Variants in ZSWIM6 observed in about 807,000 individuals in gnomAD.
The protein encoded by ZSWIM6 is zinc finger SWIM domain-containing protein 6.
In ZSWIM6, 9 loss-of-function variants were observed where a neutral mutation model predicts 113.2. The ratio of observed to expected loss-of-function variants is 0.08; its 90% CI spans 0.05 to 0.14. The LOEUF is 0.14. ZSWIM6 is among the 10% of genes least tolerant of loss of function. ZSWIM6 has a pLI of 1.00. For missense variants in ZSWIM6, 1,162 were observed against 1,552.2 expected (o/e 0.75, Z 4.22); for synonymous variants, 611 against 606.5 (o/e 1.01, Z -0.11).
intron 1 of ZSWIM6, among the ~76,000 whole-genome samples, chr5:61,370,127 C>A (rs952444216): frequency 6.6e-6 from 1 of 152,156 alleles, no homozygotes; most frequent in African/African-American, 2.4e-5. Flanking sequence ...TGAACTACAT[C>A]GAACAAATTA....
At chr5:61,345,202 C>T (rs1012312466) in intron 1 of ZSWIM6, among the ~76,000 whole-genome samples, 2 of 152,188 alleles carry the variant, frequency 1.3e-5, no homozygotes, top group Non-Finnish European at 2.9e-5. Flanking sequence ...GAAACACATA[C>T]TGTTTTTCCT....
At chr5:61,364,068 T>A (rs1745102068) in intron 1 of ZSWIM6, among the ~76,000 whole-genome samples, 1 of 150,526 alleles carries the variant, frequency 6.6e-6, no homozygotes, top group South Asian at 2.1e-4. Context: ...CTTTCTTTTC[T>A]GGGTCTCACT....
chr5:61,444,408 ACGTGTGCG>A (rs1746905215), intron 1 of ZSWIM6, among the ~76,000 whole-genome samples: 1 of 151,852 alleles, frequency 6.6e-6, no homozygotes, highest in South Asian at 2.1e-4. Context: ...CTATAAACAT[ACGTGTGCG>A]TGTGTCTTTA....
chr5:61,437,425 A>G (rs572909542), intron 1 of ZSWIM6, among the ~76,000 whole-genome samples: 2 of 152,228 alleles, frequency 1.3e-5, no homozygotes, highest in African/African-American at 2.4e-5. Context: ...TAGACTATGT[A>G]AAAAAACAAA....
intron 1 of ZSWIM6, among the ~76,000 whole-genome samples, chr5:61,350,414 T>C (rs1184727328): frequency 6.6e-6 from 1 of 152,150 alleles, no homozygotes; most frequent in Non-Finnish European, 1.5e-5. Flanking sequence ...GACCTTTGGC[T>C]TATTTCTGGT....
intron 2 of ZSWIM6, among the ~76,000 whole-genome samples, chr5:61,483,505 A>G (rs1747931786): frequency 6.6e-6 from 1 of 152,134 alleles, no homozygotes; most frequent in African/African-American, 2.4e-5. Context: ...TTGAACCAAA[A>G]TCTGTATCTA....
chr5:61,410,353 A>G (rs1022096360), intron 1 of ZSWIM6, among the ~76,000 whole-genome samples: 1 of 137,510 alleles, frequency 7.3e-6, no homozygotes, highest in Non-Finnish European at 1.5e-5. Context: ...CTCTGTTGCC[A>G]GGCTGGAGTG....
At chr5:61,423,417 A>AC (rs1746394994) in intron 1 of ZSWIM6, among the ~76,000 whole-genome samples, 1 of 149,586 alleles carries the variant, frequency 6.7e-6, no homozygotes, top group South Asian at 2.3e-4. Flanking sequence ...TCAAAAAAAA[A>AC]ACACAAAAAA....
chr5:61,394,661 G>GTTGTCCAAAA (rs1275034434), intron 1 of ZSWIM6, among the ~76,000 whole-genome samples: 1 of 152,088 alleles, frequency 6.6e-6, no homozygotes. Context: ...AAAGAGAAAG[G>GTTGTCCAAAA]GACACTTGGA....
At chr5:61,354,124 T>C (rs933468717) in intron 1 of ZSWIM6, among the ~76,000 whole-genome samples, 1 of 152,238 alleles carries the variant, frequency 6.6e-6, no homozygotes, top group African/African-American at 2.4e-5. Context: ...TTTGAATGTC[T>C]TCATGCCTTC....
At chr5:61,372,642 CA>C (rs1334664480) in intron 1 of ZSWIM6, among the ~76,000 whole-genome samples, 1 of 152,142 alleles carries the variant, frequency 6.6e-6, no homozygotes, top group Non-Finnish European at 1.5e-5. Flanking sequence ...CACTATGTAC[CA>C]GGTTCAAGTG....
chr5:61,341,528 T>G (rs370221464), intron 1 of ZSWIM6, among the ~76,000 whole-genome samples: 3 of 152,216 alleles, frequency 2.0e-5, no homozygotes, highest in African/African-American at 7.2e-5. Flanking sequence ...ATATGTCATT[T>G]TGATTACAGT....
chr5:61,435,375 G>T (rs1365144591), intron 1 of ZSWIM6, among the ~76,000 whole-genome samples: 1 of 152,112 alleles, frequency 6.6e-6, no homozygotes, highest in African/African-American at 2.4e-5. Flanking sequence ...GTAACCAGAT[G>T]GTAGTAATAC....
intron 1 of ZSWIM6, among the ~76,000 whole-genome samples, chr5:61,444,667 G>A (rs924071942): frequency 5.9e-5 from 9 of 152,136 alleles, no homozygotes; most frequent in Non-Finnish European, 1.3e-4. Context: ...CCTAGATGTT[G>A]GCCTTGCATC....
intron 4 of ZSWIM6, among the ~76,000 whole-genome samples, chr5:61,510,799 G>A (rs1045616913): frequency 2.0e-5 from 3 of 152,134 alleles, no homozygotes; most frequent in Non-Finnish European, 4.4e-5. Flanking sequence ...AGTGTTCTTT[G>A]TGAAAGAACC....
rs1374002522 is a variant in ZSWIM6 at position 61,332,916 on chromosome 5, A to T, written c.644A>T (p.Glu215Val). 7.4e-7 allele frequency: 1 copy of T among 1,354,158 alleles called. No individual in the cohort carries two copies. Among genetic ancestry groups the T allele is most frequent in the South Asian group, 1.5e-5 (1 of 64,908 alleles). 83.9% of individuals were successfully genotyped at this position (1,354,158 alleles called of 1,614,324 possible). Residue 215 changes from glutamate to valine, a missense_variant, in exon 1 of 14, where the codon GAA (glutamate) becomes GTA (valine). This residue lies in a region of ZSWIM6 where 333 missense variants were observed against 293.4 expected (regional missense o/e 1.13). Coordinates refer to ENST00000252744, the MANE Select transcript of ZSWIM6 (RefSeq NM_020928.2). ...TTCCGCCGGGGCATCGCGCTGTTGG[A>T]AAGCGGCTGCGTAGACAACGTCCTG... Reference protein sequence around the residue: ...LPFRRGIALLESGCVDNVLQV... With the variant: ...LPFRRGIALLVSGCVDNVLQV...
intron 1 of ZSWIM6, among the ~76,000 whole-genome samples, chr5:61,333,196 G>T (rs928225792): frequency 6.6e-6 from 1 of 151,884 alleles, no homozygotes; most frequent in Non-Finnish European, 1.5e-5. Context: ...CCCTCCGTGG[G>T]CTCCGCGCCC....
intron 1 of ZSWIM6, among the ~76,000 whole-genome samples, chr5:61,393,989 G>A (rs915092753): frequency 6.6e-6 from 1 of 152,162 alleles, no homozygotes; most frequent in Non-Finnish European, 1.5e-5. Flanking sequence ...ATGTTCTAGT[G>A]CTAGGGGTGG....
At chr5:61,438,900 G>A (rs957705623) in intron 1 of ZSWIM6, among the ~76,000 whole-genome samples, 5 of 152,138 alleles carry the variant, frequency 3.3e-5, no homozygotes, top group South Asian at 2.1e-4. Context: ...ACTCTTGGGG[G>A]TAAATTTATA....
Sources: allele counts gnomAD v4.1 joint callset (sites outside exome capture counted in the v4.1 genomes callset), GRCh38; gene constraint gnomAD v4.1.1; regional missense constraint gnomAD v4.1.1; transcripts MANE v1.5; gene names NCBI Gene and HGNC (gene_info 2026-07-23, HGNC 2026-07-21).